Variants in FOCAD observed in about 807,000 individuals in gnomAD.
The protein encoded by FOCAD is focadhesin, also known as KIAA1797.
Under a neutral mutation model 225.6 loss-of-function variants are expected in FOCAD, and 198 were observed. The observed-to-expected ratio is 0.88, with a 90% CI of 0.78 to 0.99. FOCAD has a LOEUF of 0.99. Ranked by LOEUF, FOCAD falls within the 50% of genes least tolerant of loss-of-function variation. The pLI is 0.00. For synonymous variants in FOCAD, 897 were observed against 755.0 expected, an observed-to-expected ratio of 1.19 and a Z score of -3.08; for missense variants, 2,713 against 2,123.6, an observed-to-expected ratio of 1.28 and a Z score of -5.46.
intron 4 of FOCAD, among the ~76,000 whole-genome samples, chr9:20,739,025 C>A (rs1054159900): frequency 6.6e-6 from 1 of 152,080 alleles, no homozygotes. Flanking sequence ...TGCTCAGTAG[C>A]CACATGTGGC....
At chr9:20,965,940 G>A (rs1047654351) in intron 35 of FOCAD, among the ~76,000 whole-genome samples, 4 of 152,064 alleles carry the variant, frequency 2.6e-5, no homozygotes, top group South Asian at 4.1e-4. Flanking sequence ...GTTTATGGCC[G>A]TTTGGGTTGT....
chr9:20,669,857 T>G (rs534408518), intron 2 of FOCAD, among the ~76,000 whole-genome samples: 87 of 152,296 alleles, frequency 5.7e-4, no homozygotes, highest in African/African-American at 1.9e-3. Context: ...AGCAGAGCAT[T>G]GAAGCAAGCA....
intron 11 of FOCAD, among the ~76,000 whole-genome samples, chr9:20,802,780 A>G (rs535144668): frequency 7.2e-5 from 11 of 152,168 alleles, no homozygotes; most frequent in Admixed American, 1.3e-4. Context: ...GAATTAAAAC[A>G]TAAGCAGGTG....
At chr9:20,850,985 C>T (rs994515629) in intron 15 of FOCAD, among the ~76,000 whole-genome samples, 10 of 151,078 alleles carry the variant, frequency 6.6e-5, no homozygotes, top group African/African-American at 2.4e-4. Flanking sequence ...AAGCGTCCAG[C>T]TTAGTACCTG....
chr9:20,907,222 G>A lies in FOCAD; in HGVS notation c.2698G>A (p.Ala900Thr). 2 of 1,613,034 alleles carry A rather than the reference G, an allele frequency of 1.2e-6. No individual in the cohort carries two copies. The highest frequency in any genetic ancestry group is 1.7e-6 in the Non-Finnish European group (2 of 1,179,410). Reference protein sequence around the residue: ...PQAWLAYMNRAYHAILQGRLG... With the variant: ...PQAWLAYMNRTYHAILQGRLG... ...GGCCTGGCTTGCATACATGAATCGA[G>A]CTTATCATGCCATTTTACAGGTAAT... The change falls in exon 22 of 44, where the codon GCT becomes ACT. Residue 900 changes from alanine to threonine, a missense_variant. Physicochemically the swap from Ala to Thr is moderately conservative, Grantham distance 58 (BLOSUM62 0). Transcript: ENST00000338382.
In FOCAD at chr9:20,981,408, C is replaced by T. The variant is rs767423614; in HGVS notation, c.4378-18C>T. 2 of 1,612,170 alleles carry T rather than the reference C, an allele frequency of 1.2e-6. No homozygotes were observed. The highest frequency in any genetic ancestry group is 4.5e-5 in the East Asian group (2 of 44,868). On this transcript the variant is annotated intron_variant, in intron 37 of 43. Coordinates refer to ENST00000338382, the MANE Select transcript of FOCAD (RefSeq NM_001375567.1). ...AGACTTGCCTATTTACATTCAACCC[C>T]TTCTGTTTTACTTCCAGCTGAATAC...
intron 31 of FOCAD, 97 bp from the exon 32 acceptor site, chr9:20,948,754 A>C (rs189480580): frequency 1.5e-6 from 2 of 1,328,192 alleles, no homozygotes; most frequent in Admixed American, 3.7e-5. Context: ...GTTTGGTACC[A>C]ATTCGACCAT....
chr9:20,719,340 C>G (rs567699579), intron 3 of FOCAD, among the ~76,000 whole-genome samples: 59 of 152,302 alleles, frequency 3.9e-4, no homozygotes, highest in Middle Eastern at 6.8e-3. Flanking sequence ...GCCTTGGCCT[C>G]CCAAAGTGTT....
At position 20,849,755 on chromosome 9, in the gene FOCAD, T is replaced by TA. The variant is rs535856684; in HGVS notation, c.1921-12822dup. 4.7e-4 allele frequency among the ~76,000 whole-genome samples: 72 copies of TA among 152,120 alleles called. 1 individual carries two copies. Among genetic ancestry groups the TA allele is most frequent in the African/African-American group, 1.7e-3 (69 of 41,552 alleles). On this transcript the variant is annotated intron_variant, in intron 15 of 43. Coordinates refer to ENST00000338382, the MANE Select transcript of FOCAD (RefSeq NM_001375567.1). ...TGTCCAGATCTTCAACTTCACTATG[T>TA]ACTCTTCCCTGACATTTATCTGCCT... is the stretch of plus-strand genomic sequence containing the variant.
chr9:20,724,959 A>G (rs1371823314), intron 4 of FOCAD, among the ~76,000 whole-genome samples: 2 of 152,186 alleles, frequency 1.3e-5, no homozygotes, highest in African/African-American at 2.4e-5. Flanking sequence ...GCTTGAGGTC[A>G]GGAGTTGGAG....
Position 20,727,592 on chromosome 9 carries a change from G to A in FOCAD, c.287+7058G>A, listed in dbSNP as rs541527481. The stretch of plus-strand genomic sequence containing the variant: ...TTTCTCAGAACTGTTTATTTTGTCC[G>A]TGTCTTCTTGTCTCTGTTTATCTCT... On this transcript the variant is annotated intron_variant, in intron 4 of 43. Coordinates refer to ENST00000338382, the MANE Select transcript of FOCAD (RefSeq NM_001375567.1). Among the ~76,000 whole-genome samples the A allele has an allele frequency of 1.6e-4, 24 of 152,072 alleles. No homozygotes were observed. The East Asian group carries it at 2.7e-3, about 17-fold the overall frequency.
intron 27 of FOCAD, among the ~76,000 whole-genome samples, chr9:20,930,454 A>C (rs1321052852): frequency 6.6e-6 from 1 of 152,172 alleles, no homozygotes; most frequent in Non-Finnish European, 1.5e-5. Context: ...GATAGTAGGG[A>C]GAGGCATTCT....
intron 28 of FOCAD, among the ~76,000 whole-genome samples, chr9:20,936,895 T>G (rs1460397751): frequency 6.6e-6 from 1 of 152,118 alleles, no homozygotes; most frequent in African/African-American, 2.4e-5. Context: ...GAATACAAAA[T>G]CAATGTGCAA....
chr9:20,945,994 G>A (rs1411495253), intron 29 of FOCAD, among the ~76,000 whole-genome samples: 1 of 152,122 alleles, frequency 6.6e-6, no homozygotes, highest in Non-Finnish European at 1.5e-5. Context: ...CTTGCCCAAA[G>A]TTACTACGCT....
At chr9:20,848,926 C>G (rs1827382089) in intron 15 of FOCAD, among the ~76,000 whole-genome samples, 1 of 151,372 alleles carries the variant, frequency 6.6e-6, no homozygotes, top group Admixed American at 6.6e-5. Context: ...TTTATCTTTG[C>G]AAGTGTCTTT....
At chr9:20,798,314 T>C (rs1313426651) in intron 11 of FOCAD, among the ~76,000 whole-genome samples, 3 of 152,292 alleles carry the variant, frequency 2.0e-5, no homozygotes, top group East Asian at 1.9e-4. Context: ...TTCTCTTTTT[T>C]GGTTGTGTCT....
chr9:20,867,949 G>A (rs939114909), intron 18 of FOCAD, among the ~76,000 whole-genome samples: 4 of 152,042 alleles, frequency 2.6e-5, no homozygotes, highest in African/African-American at 7.2e-5. Context: ...TTGGAGCCAC[G>A]ATATAAAAAG....
intron 15 of FOCAD, among the ~76,000 whole-genome samples, chr9:20,856,880 C>A (rs1034662047): frequency 1.3e-5 from 2 of 151,958 alleles, no homozygotes; most frequent in South Asian, 4.1e-4. Context: ...GCACCTTTGT[C>A]AAAAATGAGT....
chr9:20,720,473 C>G lies in FOCAD; in HGVS notation c.226C>G (p.Gln76Glu), dbSNP rs1457853851. ...CCEGLVALVA[Q>E]DHAEFSYVLN... The stretch of plus-strand genomic sequence containing the variant: ...TGAAGGTCTGGTGGCACTCGTTGCT[C>G]AGGATCATGCAGAGTTCAGCTATGT... The change falls in exon 4 of 44, where the codon CAG (glutamine) becomes GAG (glutamate). Residue 76 changes from glutamine to glutamate, a missense_variant. Gln to Glu is a conservative substitution (Grantham distance 29, BLOSUM62 2). Transcript: ENST00000338382. The G allele has an allele frequency of 5.6e-6, 9 of 1,614,016 alleles. No individual in the cohort carries two copies. Among genetic ancestry groups the G allele is most frequent in the Non-Finnish European group, 7.6e-6 (9 of 1,179,952 alleles).
Sources: gnomAD v4.1 joint callset for allele counts (sites outside exome capture counted in the v4.1 genomes callset) on GRCh38, gnomAD v4.1.1 for gene constraint, MANE v1.5 for transcripts, NCBI Gene and HGNC (gene_info 2026-07-23, HGNC 2026-07-21) for gene names.